NCOA2: variants seen among roughly 807,000 people sequenced by gnomAD.
NCOA2 encodes the protein class E basic helix-loop-helix protein 75.
In NCOA2, 21 loss-of-function variants were observed where a neutral mutation model predicts 145.1. The ratio of observed to expected loss-of-function variants is 0.14; its 90% confidence interval spans 0.10 to 0.21. The LOEUF (loss-of-function observed/expected upper bound fraction) is 0.21. Ranked by LOEUF, NCOA2 falls within the 10% of genes least tolerant of loss-of-function variation. The probability of loss-of-function intolerance (pLI) is 1.00; values close to 1 mark genes in which losing one functional copy is unlikely to be tolerated. For synonymous variants in NCOA2, 619 were observed against 637.5 expected, an observed-to-expected ratio of 0.97 and a Z score of 0.44; for missense variants, 1,472 against 1,837.6, an observed-to-expected ratio of 0.80 and a Z score of 3.64.
chr8:70,440,166 T>C, the NCOA2 span, among the ~76,000 whole-genome samples: 1 of 151,954 alleles, frequency 6.6e-6, no homozygotes, highest in South Asian at 2.1e-4. Flanking sequence ...ACACCTGTAG[T>C]CTCGGGAGGC....
chr8:70,244,743 T>A (rs1822465066), intron 2 of NCOA2, among the ~76,000 whole-genome samples: 1 of 151,812 alleles, frequency 6.6e-6, no homozygotes, highest in South Asian at 2.1e-4. Context: ...ACCAAAATAT[T>A]TCCTACAAAC....
At chr8:70,392,234 T>G (rs1813273922) in intron 1 of NCOA2, among the ~76,000 whole-genome samples, 1 of 152,220 alleles carries the variant, frequency 6.6e-6, no homozygotes, top group Admixed American at 6.5e-5. Context: ...TAGCCTCTCA[T>G]TCTACCACAT....
intron 2 of NCOA2, among the ~76,000 whole-genome samples, chr8:70,221,397 C>A (rs1820122014): frequency 6.6e-6 from 1 of 152,176 alleles, no homozygotes; most frequent in Non-Finnish European, 1.5e-5. Flanking sequence ...GTAACAGTTT[C>A]TCCTTCAAAG....
At chr8:70,312,689 A>G (rs1805232855) in intron 1 of NCOA2, among the ~76,000 whole-genome samples, 1 of 152,188 alleles carries the variant, frequency 6.6e-6, no homozygotes, top group Non-Finnish European at 1.5e-5. Context: ...TCTTTTCTGA[A>G]AAGGTAAATT....
chr8:70,172,912 T>C (rs2132700914), intron 5 of NCOA2, among the ~76,000 whole-genome samples: 1 of 152,324 alleles, frequency 6.6e-6, no homozygotes, highest in South Asian at 2.1e-4. Context: ...ACATTTGGTT[T>C]TGTTGCCTAG....
intron 2 of NCOA2, among the ~76,000 whole-genome samples, chr8:70,220,193 G>C (rs1414037121): frequency 2.0e-5 from 3 of 152,134 alleles, no homozygotes; most frequent in Admixed American, 1.3e-4. Flanking sequence ...ATTTCATTTG[G>C]TGACCAGCTC....
At chr8:70,220,115 A>G (rs4236983) in intron 2 of NCOA2, among the ~76,000 whole-genome samples, 2 of 152,190 alleles carry the variant, frequency 1.3e-5, no homozygotes, top group Non-Finnish European at 2.9e-5. Flanking sequence ...GATCGAAGTT[A>G]AAAAATTCAT....
chr8:70,246,026 A>G (rs1336285387), intron 2 of NCOA2, among the ~76,000 whole-genome samples: 5 of 152,140 alleles, frequency 3.3e-5, no homozygotes, highest in African/African-American at 7.2e-5. Context: ...GAAGAAAAAT[A>G]TTCCCATGGC....
intron 1 of NCOA2, among the ~76,000 whole-genome samples, chr8:70,363,246 G>A (rs1250434201): frequency 6.6e-6 from 1 of 151,950 alleles, no homozygotes; most frequent in Non-Finnish European, 1.5e-5. Context: ...AGCCGGACGT[G>A]GTGGCGGGCG....
intron 1 of NCOA2, among the ~76,000 whole-genome samples, chr8:70,382,107 T>A (rs1812244069): frequency 6.6e-6 from 1 of 151,978 alleles, no homozygotes; most frequent in South Asian, 2.1e-4. Context: ...GCATAAAACC[T>A]AAATACATAC....
intron 2 of NCOA2, among the ~76,000 whole-genome samples, chr8:70,253,782 A>T (rs2926705): frequency 0.89 from 136,140 of 152,148 alleles, 61,356 homozygotes; most frequent in African/African-American, 0.95. Flanking sequence ...TGTAAGAGAG[A>T]AAAAGTTAAA....
intron 15 of NCOA2, among the ~76,000 whole-genome samples, chr8:70,136,696 G>A (rs889097868): frequency 2.6e-5 from 4 of 152,084 alleles, no homozygotes; most frequent in African/African-American, 9.7e-5. Context: ...TTCATAAAAC[G>A]TTAAAAAACC....
intron 7 of NCOA2, among the ~76,000 whole-genome samples, chr8:70,163,910 A>G (rs1199975611): frequency 6.6e-6 from 1 of 152,224 alleles, no homozygotes; most frequent in Admixed American, 6.5e-5. Flanking sequence ...TTCTTTTTAA[A>G]TGGCTGATAG....
intron 1 of NCOA2, 127 bp downstream of exon 1, chr8:70,403,573 G>C (rs1814591140): frequency 3.3e-6 from 1 of 302,534 alleles, no homozygotes; most frequent in Non-Finnish European, 6.1e-6. Flanking sequence ...CAGCCTCTCG[G>C]AGGCGCACGG....
chr8:70,367,351 G>A (rs2131168222), intron 1 of NCOA2, among the ~76,000 whole-genome samples: 1 of 152,242 alleles, frequency 6.6e-6, no homozygotes, highest in South Asian at 2.1e-4. Flanking sequence ...GAAAACTTTT[G>A]TGCCAATTTC....
At chr8:70,378,012 A>G (rs1013819272) in intron 1 of NCOA2, among the ~76,000 whole-genome samples, 70 of 152,222 alleles carry the variant, frequency 4.6e-4, no homozygotes, top group Non-Finnish European at 1.6e-4. Context: ...AAGGAAGCAG[A>G]AAATTTCACC....
At chr8:70,444,665 G>T in the NCOA2 span, among the ~76,000 whole-genome samples, 1 of 152,144 alleles carries the variant, frequency 6.6e-6, no homozygotes, top group Admixed American at 6.5e-5. Context: ...TCTTACAACT[G>T]TATGAAAATC....
At chr8:70,451,400 C>CAAA in the NCOA2 span, among the ~76,000 whole-genome samples, 1 of 67,478 alleles carries the variant, frequency 1.5e-5, no homozygotes, top group African/African-American at 6.0e-5. Context: ...AGAGTGAGAC[C>CAAA]AAAAAAAAAA....
At chr8:70,390,472 A>T (rs1172806400) in intron 1 of NCOA2, among the ~76,000 whole-genome samples, 1 of 152,202 alleles carries the variant, frequency 6.6e-6, no homozygotes, top group Non-Finnish European at 1.5e-5. Context: ...TACAATTAAG[A>T]ATATAATTAT....
Sources: allele counts gnomAD v4.1 joint callset (sites outside exome capture counted in the v4.1 genomes callset), GRCh38; gene constraint gnomAD v4.1.1; transcripts MANE v1.5; gene names NCBI Gene and HGNC (gene_info 2026-07-23, HGNC 2026-07-21).